Variants in ARL3 observed in about 807,000 individuals in gnomAD.
ARL3 encodes ADP-ribosylation factor-like protein 3.
A neutral mutation model predicts 26.0 loss-of-function variants in ARL3; 9 were observed. The ratio of observed to expected loss-of-function variants is 0.35; its 90% CI spans 0.21 to 0.60. The LOEUF (loss-of-function observed/expected upper bound fraction) is 0.60. Ranked by LOEUF, ARL3 falls within the 20% of genes least tolerant of loss-of-function variation. The probability of loss-of-function intolerance (pLI) is 0.78; values close to 1 mark genes in which losing one functional copy is unlikely to be tolerated. For missense variants in ARL3, 158 were observed against 215.7 expected (o/e 0.73, Z 1.67); for synonymous variants, 71 against 78.4 (o/e 0.91, Z 0.50).
chr10:102,708,378 T>C (rs1198315265), intron 1 of ARL3, among the ~76,000 whole-genome samples: 1 of 152,088 alleles, frequency 6.6e-6, no homozygotes, highest in Non-Finnish European at 1.5e-5. Flanking sequence ...GAAAACCCAT[T>C]TTACTACTCA....
At chr10:102,712,332 A>C (rs2064346876) in intron 1 of ARL3, among the ~76,000 whole-genome samples, 2 of 152,236 alleles carry the variant, frequency 1.3e-5, no homozygotes, top group South Asian at 4.1e-4. Flanking sequence ...GATACACTTA[A>C]GTCACACGAC....
rs1039465551 is a variant in ARL3, at chr10:102,677,446, C to T, written c.502-505G>A. 5.9e-5 allele frequency among the ~76,000 whole-genome samples: 9 copies of T among 152,236 alleles called. 1 individual carries two copies. In the South Asian group the frequency reaches 1.9e-3, roughly 32 times the overall value. On this transcript the variant is annotated intron_variant, in intron 5 of 5. Coordinates refer to ENST00000260746, the MANE Select transcript of ARL3 (RefSeq NM_004311.4). The stretch of plus-strand genomic sequence containing the variant: ...GAGTGTTGCGAGGCACACACCAGGG[C>T]GATGTGCATTTACTTCTCTTCCTGC...
chr10:102,686,968 C>T (rs1446435826), intron 4 of ARL3, among the ~76,000 whole-genome samples: 2 of 140,536 alleles, frequency 1.4e-5, no homozygotes, highest in Non-Finnish European at 1.5e-5. Context: ...CTCCGCCTCC[C>T]GGGTTCAAGC....
At chr10:102,708,908 A>ATATATATATATATATATATTT in intron 1 of ARL3, among the ~76,000 whole-genome samples, 1 of 95,346 alleles carries the variant, frequency 1.0e-5, no homozygotes, top group African/African-American at 4.2e-5. Flanking sequence ...ATATATATAT[A>ATATATATATATATATATATTT]TTTTTTTTTT....
intron 1 of ARL3, among the ~76,000 whole-genome samples, chr10:102,711,864 C>G (rs1237747466): frequency 6.6e-6 from 1 of 152,048 alleles, no homozygotes; most frequent in Non-Finnish European, 1.5e-5. Context: ...ACATAACAGC[C>G]ACTGAAAAGA....
intron 1 of ARL3, among the ~76,000 whole-genome samples, chr10:102,706,027 A>G (rs759414424): frequency 6.6e-6 from 1 of 152,224 alleles, no homozygotes; most frequent in Admixed American, 6.5e-5. Context: ...ATAAAATTAT[A>G]GTTGGGCTTC....
intron 2 of ARL3, among the ~76,000 whole-genome samples, chr10:102,700,807 G>A (rs921372598): frequency 4.8e-5 from 6 of 126,052 alleles, no homozygotes; most frequent in Non-Finnish European, 9.5e-5. Context: ...TTGTGCTCTC[G>A]GCTCACCGCA....
intron 5 of ARL3, among the ~76,000 whole-genome samples, chr10:102,684,384 C>T (rs1219266250): frequency 6.6e-6 from 1 of 151,976 alleles, no homozygotes; most frequent in Non-Finnish European, 1.5e-5. Context: ...CTCCTGACCT[C>T]GTGATCTGCC....
At chr10:102,694,716 T>G (rs573749521) in intron 3 of ARL3, among the ~76,000 whole-genome samples, 114 of 152,264 alleles carry the variant, frequency 7.5e-4, no homozygotes, top group Admixed American at 1.2e-3. Flanking sequence ...CTCTAATGTA[T>G]GCTGTCTTCT....
chr10:102,683,856 C>T (rs1262863409), intron 5 of ARL3, among the ~76,000 whole-genome samples: 1 of 152,174 alleles, frequency 6.6e-6, no homozygotes, highest in Non-Finnish European at 1.5e-5. Context: ...GGAGATCCCT[C>T]TCTACCTCCA....
chr10:102,686,727 A>G (rs1158808816), intron 4 of ARL3, among the ~76,000 whole-genome samples: 1 of 151,930 alleles, frequency 6.6e-6, no homozygotes, highest in Non-Finnish European at 1.5e-5. Flanking sequence ...GGCCTCCCAA[A>G]GTGCTGGGAT....
intron 3 of ARL3, among the ~76,000 whole-genome samples, chr10:102,692,006 T>C (rs980109052): frequency 6.6e-6 from 1 of 152,202 alleles, no homozygotes; most frequent in Non-Finnish European, 1.5e-5. Context: ...TCCAAACTAT[T>C]ATCTTGTACT....
intron 1 of ARL3, among the ~76,000 whole-genome samples, chr10:102,713,202 C>T (rs922665199): frequency 1.3e-5 from 2 of 151,886 alleles, no homozygotes; most frequent in East Asian, 3.9e-4. Flanking sequence ...CTCTTTGCAG[C>T]CAACTAACCT....
chr10:102,683,173 G>A (rs1377900062), intron 5 of ARL3, among the ~76,000 whole-genome samples: 2 of 152,214 alleles, frequency 1.3e-5, no homozygotes, highest in Non-Finnish European at 2.9e-5. Context: ...GCTTGGGTCA[G>A]AGGCACCACC....
At chr10:102,712,737 T>C (rs965289873) in intron 1 of ARL3, among the ~76,000 whole-genome samples, 15 of 152,258 alleles carry the variant, frequency 9.9e-5, no homozygotes, top group African/African-American at 3.6e-4. Context: ...TCAATCTCTG[T>C]TGGTTCGGCA....
intron 3 of ARL3, among the ~76,000 whole-genome samples, chr10:102,691,273 TC>T (rs1356716771): frequency 9.8e-5 from 5 of 50,882 alleles, no homozygotes; most frequent in Middle Eastern, 0.026. Flanking sequence ...CCCTCCCCCC[TC>T]CCCCCACCCC....
At position 102,686,004 on chromosome 10, in the gene ARL3, G is replaced by C; in HGVS notation, c.316-3C>G. ...TCCTCCAGTAATTCCGCTAGTTCCT[G>C]GATTTTGAGAAGGGAGAGGGAGGGA... On this transcript the variant is annotated splice_polypyrimidine_tract_variant and splice_region_variant and intron_variant, in intron 4 of 5. Transcript: ENST00000260746. The C allele has an allele frequency of 1.2e-6, 2 of 1,610,994 alleles. No homozygotes were observed. Among genetic ancestry groups the C allele is most frequent in the Non-Finnish European group, 1.7e-6 (2 of 1,178,198 alleles).
At chr10:102,705,243 C>T (rs1162469750) in intron 2 of ARL3, 103 bp downstream of exon 2, 3 of 1,358,816 alleles carry the variant, frequency 2.2e-6, no homozygotes, top group Non-Finnish European at 2.9e-6. Context: ...TTCTCAGAGA[C>T]AAAACTTGGA....
intron 3 of ARL3, among the ~76,000 whole-genome samples, chr10:102,691,392 G>C (rs565153075): frequency 4.6e-5 from 7 of 150,740 alleles, no homozygotes; most frequent in African/African-American, 9.8e-5. Context: ...TTGTTCTTGC[G>C]ACAGTTTACT....
Sources: allele counts gnomAD v4.1 joint callset (sites outside exome capture counted in the v4.1 genomes callset), GRCh38; gene constraint gnomAD v4.1.1; transcripts MANE v1.5; gene names NCBI Gene and HGNC (gene_info 2026-07-23, HGNC 2026-07-21).